The following BRI3BP variants were observed in gnomAD, a reference collection of about 807,000 sequenced individuals.
BRI3BP encodes the protein BRI3 binding protein, also known as BRI3-binding protein.
Under a neutral mutation model 15.8 loss-of-function variants are expected in BRI3BP, and 7 were observed. That is an observed-to-expected ratio of 0.44 (90% CI 0.25 to 0.83). The LOEUF is 0.83. BRI3BP is among the 40% of genes least tolerant of loss of function. The probability of loss-of-function intolerance (pLI) is 0.20; values close to 1 mark genes in which losing one functional copy is unlikely to be tolerated. For missense variants in BRI3BP, 320 were observed against 339.3 expected (o/e 0.94, Z 0.45); for synonymous variants, 192 against 163.5 (o/e 1.17, Z -1.33).
At chr12:125,002,454 T>C (rs918757684) in intron 1 of BRI3BP, among the ~76,000 whole-genome samples, 1 of 138,722 alleles carries the variant, frequency 7.2e-6, no homozygotes, top group African/African-American at 2.6e-5. Flanking sequence ...GTTTTTTTTT[T>C]TGTTTTGTTT....
chr12:125,019,021 G>C (rs1244887520), intron 2 of BRI3BP, among the ~76,000 whole-genome samples: 2 of 152,186 alleles, frequency 1.3e-5, no homozygotes, highest in African/African-American at 4.8e-5. Context: ...ACCACGCCTG[G>C]CTAATTTTTA....
At chr12:125,036,365 A>AT in the BRI3BP span, among the ~76,000 whole-genome samples, 2 of 150,634 alleles carry the variant, frequency 1.3e-5, no homozygotes, top group African/African-American at 4.9e-5. Context: ...ACCCGGCCTA[A>AT]TTTTTTTTAT....
rs10572574 is a variant in BRI3BP at position 125,029,360 on chromosome 12, C to CAAAAAAAAAAAAAAAAA, written c.*3937_*3953dup. 2 of 78,688 alleles carry CAAAAAAAAAAAAAAAAA rather than the reference C, an allele frequency of 2.5e-5. No homozygotes were observed. Among genetic ancestry groups the CAAAAAAAAAAAAAAAAA allele is most frequent in the African/African-American group, 4.8e-5 (1 of 20,674 alleles). 4.9% of individuals were successfully genotyped at this position (78,688 alleles called of 1,614,324 possible). A position where few individuals can be genotyped will look rare whatever the true frequency, so the allele number is the denominator to read the frequency against. ...GAAATCCCGTCTCTACCAAAAAATACAAAAAAAAAAAAAAAAAAAAAAATA... is the reference window on the plus strand; with the variant it reads ...GAAATCCCGTCTCTACCAAAAAATACAAAAAAAAAAAAAAAAAAAAAAAAAAAAAAAAAAAAAAAATA... On this transcript the variant is annotated 3_prime_UTR_variant, in exon 3 of 3. Transcript: ENST00000341446.
intron 2 of BRI3BP, among the ~76,000 whole-genome samples, chr12:125,019,872 ATT>A (rs1005712891): frequency 6.7e-6 from 1 of 148,224 alleles, no homozygotes; most frequent in Non-Finnish European, 1.5e-5. Flanking sequence ...TGTGAAAAAT[ATT>A]TTGTGTTAAC....
At chr12:125,039,407 C>T in the BRI3BP span, among the ~76,000 whole-genome samples, 1 of 152,090 alleles carries the variant, frequency 6.6e-6, no homozygotes, top group Non-Finnish European at 1.5e-5. Context: ...ACTTTTTGGC[C>T]TGCAGGGGTC....
chr12:125,041,791 G>A, the BRI3BP span, among the ~76,000 whole-genome samples: 1 of 152,238 alleles, frequency 6.6e-6, no homozygotes, highest in Non-Finnish European at 1.5e-5. Context: ...CGACTTCTTG[G>A]GCTCCAACAA....
At chr12:125,007,713 C>T (rs1034822805) in intron 1 of BRI3BP, among the ~76,000 whole-genome samples, 1 of 149,468 alleles carries the variant, frequency 6.7e-6, no homozygotes, top group African/African-American at 2.5e-5. Flanking sequence ...GAGCAAGACC[C>T]TGTCTCCAAA....
the BRI3BP span, among the ~76,000 whole-genome samples, chr12:125,046,164 C>CAA: frequency 7.4e-5 from 10 of 134,478 alleles, no homozygotes; most frequent in East Asian, 4.3e-4. Context: ...GACTTTGTCT[C>CAA]AAAAAAAAAA....
intron 2 of BRI3BP, among the ~76,000 whole-genome samples, chr12:125,016,525 T>C (rs1367698479): frequency 1.5e-5 from 1 of 65,260 alleles, no homozygotes; most frequent in East Asian, 5.2e-4. Flanking sequence ...GGGGAGGGGG[T>C]GGGGAGTGGG....
At chr12:125,041,159 C>T in the BRI3BP span, among the ~76,000 whole-genome samples, 1 of 152,150 alleles carries the variant, frequency 6.6e-6, no homozygotes. Flanking sequence ...CATTCTCCTG[C>T]CTCAGCCTGC....
the BRI3BP span, among the ~76,000 whole-genome samples, chr12:125,044,434 T>A: frequency 1.3e-5 from 2 of 148,240 alleles, no homozygotes; most frequent in Non-Finnish European, 3.0e-5. Flanking sequence ...CAGGTGTGAG[T>A]CACCATGCCC....
downstream of BRI3BP, among the ~76,000 whole-genome samples, chr12:125,034,683 A>G (rs1955430258): frequency 6.6e-6 from 1 of 151,328 alleles, no homozygotes; most frequent in Non-Finnish European, 1.5e-5. Flanking sequence ...TCTGCCTCCC[A>G]GTTTCAAGCA....
the BRI3BP span, among the ~76,000 whole-genome samples, chr12:125,049,030 C>T: frequency 6.6e-6 from 1 of 152,140 alleles, no homozygotes; most frequent in Non-Finnish European, 1.5e-5. Context: ...GCGATCTCGG[C>T]TCACTGCAAC....
intron 2 of BRI3BP, among the ~76,000 whole-genome samples, chr12:125,018,760 G>A (rs1955268723): frequency 6.6e-6 from 1 of 150,566 alleles, no homozygotes; most frequent in Non-Finnish European, 1.5e-5. Context: ...GCTCACTGCA[G>A]CCTCCGCCTC....
At chr12:125,001,887 T>G (rs1033447755) in intron 1 of BRI3BP, among the ~76,000 whole-genome samples, 4 of 152,220 alleles carry the variant, frequency 2.6e-5, no homozygotes, top group Non-Finnish European at 5.9e-5. Flanking sequence ...TAGCAGTCAC[T>G]ACTTTTTTCC....
intron 1 of BRI3BP, among the ~76,000 whole-genome samples, chr12:125,010,543 C>G (rs1354772263): frequency 6.6e-6 from 1 of 152,166 alleles, no homozygotes; most frequent in Non-Finnish European, 1.5e-5. Flanking sequence ...CTTTGGGAAG[C>G]TGAGATGGGT....
At position 125,017,186 on chromosome 12, in the gene BRI3BP, A is replaced by G. The variant is rs141659414; in HGVS notation, c.316+4550A>G. Among the ~76,000 whole-genome samples the G allele has an allele frequency of 6.5e-3, 986 of 151,140 alleles. 4 individuals carry two copies. The highest frequency in any genetic ancestry group is 0.023 in the African/African-American group (935 of 41,088). On this transcript the variant is annotated intron_variant, in intron 2 of 2. Coordinates refer to ENST00000341446, the MANE Select transcript of BRI3BP (RefSeq NM_080626.6). Reference sequence around the variant, plus strand: ...AGGCACCTGCCACCATGCCTGGCTAATTTTTGTATTTTTTTTTAGTAGAGA... The same window carrying G: ...AGGCACCTGCCACCATGCCTGGCTAGTTTTTGTATTTTTTTTTAGTAGAGA...
chr12:125,025,210 G>A lies in BRI3BP; in HGVS notation c.536G>A (p.Gly179Asp). The A allele has an allele frequency of 1.9e-6, 3 of 1,614,096 alleles. No individual in the cohort carries two copies. Among genetic ancestry groups the A allele is most frequent in the Non-Finnish European group, 2.5e-6 (3 of 1,180,020 alleles). Reference protein sequence around the residue: ...SCVYILHKYEGEPENAVLPLC... With the variant: ...SCVYILHKYEDEPENAVLPLC... ...GTGTACATCCTGCACAAGTACGAGG[G>A]CGAGCCGGAGAACGCGGTGCTGCCG... is the stretch of plus-strand genomic sequence containing the variant. Residue 179 changes from glycine to aspartate, a missense_variant, in exon 3 of 3, where the codon GGC (glycine) becomes GAC (aspartate). Physicochemically the swap from Gly to Asp is moderately conservative, Grantham distance 94 (BLOSUM62 -1). Coordinates refer to ENST00000341446, the MANE Select transcript of BRI3BP (RefSeq NM_080626.6).
intron 1 of BRI3BP, among the ~76,000 whole-genome samples, chr12:124,997,872 C>T (rs1362565067): frequency 6.6e-6 from 1 of 152,096 alleles, no homozygotes; most frequent in African/African-American, 2.4e-5. Flanking sequence ...CGCCTGTAAT[C>T]CTAGCACTTT....
Sources: allele counts gnomAD v4.1 joint callset (sites outside exome capture counted in the v4.1 genomes callset), GRCh38; gene constraint gnomAD v4.1.1; transcripts MANE v1.5; gene names NCBI Gene and HGNC (gene_info 2026-07-23, HGNC 2026-07-21).